Variants in PIEZO1 observed in about 807,000 individuals in gnomAD.
PIEZO1 encodes piezo-type mechanosensitive ion channel component 1.
PIEZO1 carries 296 observed loss-of-function variants against 297.2 expected under a neutral mutation model. The ratio of observed to expected loss-of-function variants is 1.00; its 90% CI spans 0.91 to 1.10. PIEZO1 has a LOEUF of 1.10. Ranked by LOEUF, PIEZO1 falls within the 50% of genes least tolerant of loss-of-function variation. The pLI, the probability that PIEZO1 is intolerant of heterozygous loss-of-function variation, is 0.00. For synonymous variants in PIEZO1, 2,427 were observed against 1,507.5 expected, an observed-to-expected ratio of 1.61 and a Z score of -14.13; for missense variants, 5,018 against 3,455.5, an observed-to-expected ratio of 1.45 and a Z score of -11.34.
chr16:88,724,015 A>T, intron 30 of PIEZO1, 44 bp from the exon 31 acceptor site: 11 of 1,196,864 alleles, frequency 9.2e-6, no homozygotes, highest in Non-Finnish European at 1.3e-5. Context: ...ATGCAGGGAG[A>T]CTCCCAGCCA....
chr16:88,716,717 G>T lies in PIEZO1; in HGVS notation c.6768C>A (p.Phe2256Leu). 1 of 1,548,196 alleles carries T rather than the reference G, an allele frequency of 6.5e-7. No individual in the cohort carries two copies. The change falls in exon 47 of 51, where the codon TTC becomes TTA. Residue 2256 changes from phenylalanine to leucine, a missense_variant. Physicochemically the swap from Phe to Leu is conservative, Grantham distance 22 (BLOSUM62 0). Coordinates refer to ENST00000301015, the MANE Select transcript of PIEZO1 (RefSeq NM_001142864.4). ...TGTCCTCAGGGCTGTACTGGCTGAT[G>T]AACTGCATGGCCAGCTGGGTACAAG... ...QFDPQPLAMQ[F>L]ISQYSPEDIV...
In PIEZO1 at chr16:88,727,423, G is replaced by A. The variant is rs1904531224; in HGVS notation, c.3301+134C>T. 4.7e-6 allele frequency: 3 copies of A among 644,726 alleles called. No homozygotes were observed. The South Asian group carries it at 5.9e-5, about 13-fold the overall frequency. 39.9% of individuals were successfully genotyped at this position (644,726 alleles called of 1,614,324 possible). A position where few individuals can be genotyped will look rare whatever the true frequency, so the allele number is the denominator to read the frequency against. On this transcript the variant is annotated intron_variant, in intron 23 of 50. Transcript: ENST00000301015. ...GTCTGCGTGCGTGCGTGCGAGGTCA[G>A]GGCCTGCAGGCCGCCATGTGCCTGA...
Position 88,749,037 on chromosome 16 carries a change from A to G in PIEZO1, c.160+347T>C, listed in dbSNP as rs1029870219. 4.0e-5 allele frequency among the ~76,000 whole-genome samples: 6 copies of G among 150,832 alleles called. No homozygotes were observed. The South Asian group carries it at 6.3e-4, about 16-fold the overall frequency. On this transcript the variant is annotated intron_variant, in intron 2 of 50. Coordinates refer to ENST00000301015, the MANE Select transcript of PIEZO1 (RefSeq NM_001142864.4). ...CGGATCACAAGGTCAGGAGATCGAGACCATCCTGGCTATCACGGTGAAACC... is the reference window on the plus strand; with the variant it reads ...CGGATCACAAGGTCAGGAGATCGAGGCCATCCTGGCTATCACGGTGAAACC...
intron 1 of PIEZO1, among the ~76,000 whole-genome samples, chr16:88,783,664 G>A (rs1377441401): frequency 6.6e-6 from 1 of 152,180 alleles, no homozygotes; most frequent in Non-Finnish European, 1.5e-5. Flanking sequence ...CTGGGAGCAG[G>A]TCCCAGGCTG....
chr16:88,727,612 G>A lies in PIEZO1; in HGVS notation c.3246C>T (p.Ile1082=). ...AGAAATCAGGCAGGTACAGCCACTT[G>A]ATGAGTGCGGAGTTCATGGGGACGG... ...SRAVPMNSAL[I]KWLYLPDFFR... Residue 1082 remains isoleucine (I), a synonymous_variant, in exon 23 of 51, where the codon ATC becomes ATT. Coordinates refer to ENST00000301015, the MANE Select transcript of PIEZO1 (RefSeq NM_001142864.4). 2.6e-6 allele frequency: 4 copies of A among 1,537,240 alleles called. No homozygotes were observed. Among genetic ancestry groups the A allele is most frequent in the Non-Finnish European group, 3.5e-6 (4 of 1,138,800 alleles).
At chr16:88,763,311 G>A (rs913340395) in intron 1 of PIEZO1, among the ~76,000 whole-genome samples, 1 of 152,214 alleles carries the variant, frequency 6.6e-6, no homozygotes, top group East Asian at 1.9e-4. Context: ...GCAGAAGCTG[G>A]AGGTGAGCAG....
chr16:88,719,430 G>T, intron 44 of PIEZO1, 144 bp downstream of exon 44: 1 of 693,232 alleles, frequency 1.4e-6, no homozygotes, highest in Non-Finnish European at 2.4e-6. Context: ...ATCAGCTAGT[G>T]GGTGGGCTCG....
At chr16:88,723,460 A>G (rs955003533) in intron 31 of PIEZO1, 132 bp from the exon 32 acceptor site, 3 of 1,058,254 alleles carry the variant, frequency 2.8e-6, no homozygotes, top group Non-Finnish European at 4.1e-6. Context: ...CGTGTCCCTG[A>G]GCCCCTCCCG....
chr16:88,750,106 A>C (rs1597472490), intron 1 of PIEZO1, among the ~76,000 whole-genome samples: 1 of 150,666 alleles, frequency 6.6e-6, no homozygotes, highest in Non-Finnish European at 1.5e-5. Context: ...AGGCTGCAGC[A>C]GGAGGATCAC....
In PIEZO1 at chr16:88,726,709, G is replaced by T. The variant is rs147726156; in HGVS notation, c.3699+6C>A. The T allele has an allele frequency of 1.3e-6, 2 of 1,549,332 alleles. No individual in the cohort carries two copies. The highest frequency in any genetic ancestry group is 3.9e-5 in the Admixed American group (2 of 51,002). On this transcript the variant is annotated splice_donor_region_variant and intron_variant, in intron 25 of 50. Transcript: ENST00000301015. ...GGCGGTGGGTGCGGGGGGGCCGGAGGCTCACCGACAGCATGTTCTTGGAGA... is the reference window on the plus strand; with the variant it reads ...GGCGGTGGGTGCGGGGGGGCCGGAGTCTCACCGACAGCATGTTCTTGGAGA...
At position 88,721,093 on chromosome 16, in the gene PIEZO1, G is replaced by A. The variant is rs1443508899; in HGVS notation, c.5668+73C>T. The A allele has an allele frequency of 7.9e-6, 11 of 1,390,902 alleles. No individual in the cohort carries two copies. The East Asian group carries it at 2.5e-4, about 32-fold the overall frequency. The allele number at this position is 1,390,902 out of a possible 1,614,324, so 86.2% of individuals were successfully genotyped here. A position where few individuals can be genotyped will look rare whatever the true frequency, so the allele number is the denominator to read the frequency against. ...CACTGGGCTTGGCCGTCTCATCTGA[G>A]AAAGACCCTCCCTGCAGTAGCCCCA... On this transcript the variant is annotated intron_variant, in intron 39 of 50. Coordinates refer to ENST00000301015, the MANE Select transcript of PIEZO1 (RefSeq NM_001142864.4).
chr16:88,784,868 C>A, intron 1 of PIEZO1, 33 bp downstream of exon 1: 8 of 1,398,622 alleles, frequency 5.7e-6, no homozygotes, highest in Non-Finnish European at 7.6e-6. Flanking sequence ...GCAGCCCCCT[C>A]CCGTCGCCCC....
intron 1 of PIEZO1, among the ~76,000 whole-genome samples, chr16:88,762,104 T>A (rs1374021144): frequency 6.6e-6 from 1 of 152,018 alleles, no homozygotes; most frequent in Admixed American, 6.5e-5. Context: ...AGGACGCAGG[T>A]CCCGGAATGT....
chr16:88,717,991 G>T (rs1490382572), intron 44 of PIEZO1: 3 of 334,542 alleles, frequency 9.0e-6, no homozygotes, highest in African/African-American at 6.5e-5. Context: ...GCTGAGGTGG[G>T]AGAATCGCTT....
Position 88,736,276 on chromosome 16 carries a change from G to A in PIEZO1, c.1429C>T (p.Leu477=). The change falls in exon 12 of 51, where the codon CTG becomes TTG. Residue 477 remains leucine (L), a synonymous_variant. Transcript: ENST00000301015. ...SPCILLYGMT[L]CCLRYVWAMD... ...GCCCACACGTAGCGTAGGCAGCACA[G>A]CGTCATCCCATACAGCAGGATGCAG... 1 of 1,550,212 alleles carries A rather than the reference G, an allele frequency of 6.5e-7. No individual in the cohort carries two copies. Among genetic ancestry groups the A allele is most frequent in the Non-Finnish European group, 8.7e-7 (1 of 1,146,856 alleles).
At chr16:88,766,390 C>T (rs1907181884) in intron 1 of PIEZO1, among the ~76,000 whole-genome samples, 2 of 152,182 alleles carry the variant, frequency 1.3e-5, no homozygotes, top group Admixed American at 1.3e-4. Flanking sequence ...GACGTGACAG[C>T]CCCACAATCG....
chr16:88,725,763 C>G (rs1904379561), intron 27 of PIEZO1, 79 bp from the exon 28 acceptor site: 1 of 769,456 alleles, frequency 1.3e-6, no homozygotes, highest in Non-Finnish European at 2.2e-6. Context: ...CCCCGCTCAG[C>G]CCGGGACAGC....
chr16:88,724,779 C>G (rs921299816), intron 30 of PIEZO1, among the ~76,000 whole-genome samples: 1 of 152,200 alleles, frequency 6.6e-6, no homozygotes, highest in African/African-American at 2.4e-5. Flanking sequence ...TCGGGGCAAG[C>G]TCCGAGACTC....
In PIEZO1 at chr16:88,720,476, T is replaced by C. The variant is rs566633253; in HGVS notation, c.5858A>G (p.Lys1953Arg). Residue 1953 changes from lysine to arginine, a missense_variant, in exon 41 of 51, where the codon AAG (lysine) becomes AGG (arginine). By Grantham distance (26) the Lys-to-Arg change is conservative. Coordinates refer to ENST00000301015, the MANE Select transcript of PIEZO1 (RefSeq NM_001142864.4). ...ATAGACGTCGGTGGCTGCGCGGTAC[T>C]TGGTGTGCAGGATGTCGTGGAAGAA... ...RRFFHDILHT[K>R]YRAATDVYAL... 3.2e-5 allele frequency: 50 copies of C among 1,550,404 alleles called. No homozygotes were observed. In the African/African-American group the frequency reaches 5.9e-4, roughly 18 times the overall value.
Sources: allele counts gnomAD v4.1 joint callset (sites outside exome capture counted in the v4.1 genomes callset), GRCh38; gene constraint gnomAD v4.1.1; transcripts MANE v1.5; gene names NCBI Gene and HGNC (gene_info 2026-07-23, HGNC 2026-07-21).